OLFM2: variants seen among roughly 807,000 people sequenced by gnomAD.
OLFM2 encodes the protein olfactomedin 2, also known as noelin-2.
In OLFM2, 20 loss-of-function variants were observed where a neutral mutation model predicts 43.9. The observed-to-expected ratio is 0.46, with a 90% CI of 0.32 to 0.66. The LOEUF (loss-of-function observed/expected upper bound fraction) is 0.66. Ranked by LOEUF, OLFM2 falls within the 30% of genes least tolerant of loss-of-function variation. The pLI is 0.04. For synonymous variants in OLFM2, 268 were observed against 278.6 expected (o/e 0.96, Z 0.38); for missense variants, 416 against 643.6 (o/e 0.65, Z 3.83).
intron 1 of OLFM2, among the ~76,000 whole-genome samples, chr19:9,933,137 G>A (rs918867189): frequency 6.6e-6 from 1 of 152,092 alleles, no homozygotes; most frequent in Non-Finnish European, 1.5e-5. Flanking sequence ...ACACCCACAA[G>A]GCTCCCTCTC....
intron 1 of OLFM2, among the ~76,000 whole-genome samples, chr19:9,890,014 C>G (rs1862469): frequency 0.59 from 89,482 of 151,896 alleles, 27,612 homozygotes; most frequent in African/African-American, 0.77. Context: ...AAGGAGGAGC[C>G]GGGAGGAGAG....
At chr19:9,913,505 C>T in intron 1 of OLFM2, 4 of 1,145,266 alleles carry the variant, frequency 3.5e-6, no homozygotes, top group Non-Finnish European at 4.3e-6. Context: ...GGCGCCCGCA[C>T]GGGACACGGT....
chr19:9,854,973 T>C lies in OLFM2; in HGVS notation c.688-110A>G, dbSNP rs1018656556. On this transcript the variant is annotated intron_variant, in intron 5 of 5. Coordinates refer to ENST00000264833, the MANE Select transcript of OLFM2 (RefSeq NM_058164.4). The surrounding 1 kb of genome is among the most constrained non-coding windows in gnomAD (Gnocchi z 9.5). ...ACAGTCACTAAGTGGTCATTAGTCA[T>C]GGGAACTCTGTTGACCATTCATTAC... 2.6e-5 allele frequency: 21 copies of C among 806,138 alleles called. No homozygotes were observed. The highest frequency in any genetic ancestry group is 1.6e-4 in the East Asian group (6 of 37,130). 49.9% of individuals were successfully genotyped at this position (806,138 alleles called of 1,614,324 possible).
intron 1 of OLFM2, among the ~76,000 whole-genome samples, chr19:9,878,445 A>G (rs1302472127): frequency 7.7e-6 from 1 of 130,496 alleles, no homozygotes; most frequent in Admixed American, 9.4e-5. Context: ...GCTGGAGTGC[A>G]ATGGCACAAT....
At chr19:9,859,584 C>T (rs562008425) in intron 2 of OLFM2, among the ~76,000 whole-genome samples, 278 of 152,308 alleles carry the variant, frequency 1.8e-3, no homozygotes, top group African/African-American at 6.4e-3. Context: ...TGAGCTACCA[C>T]GCCCGGCCCA....
intron 1 of OLFM2, among the ~76,000 whole-genome samples, chr19:9,878,375 TTCTC>T (rs1247599382): frequency 1.4e-4 from 16 of 117,154 alleles, no homozygotes; most frequent in Admixed American, 2.2e-4. Context: ...TCAGTTTCAT[TTCTC>T]TCTTTTTTTT....
chr19:9,930,966 C>T (rs1392624559), intron 1 of OLFM2, among the ~76,000 whole-genome samples: 1 of 152,136 alleles, frequency 6.6e-6, no homozygotes, highest in Non-Finnish European at 1.5e-5. Flanking sequence ...CACGCGCCCA[C>T]GCACAGGTGC....
rs186007525 is a variant in OLFM2, at chr19:9,919,645, C to T, written c.63+16659G>A. Among the ~76,000 whole-genome samples, 170 of 151,170 alleles carry T rather than the reference C, an allele frequency of 1.1e-3. 1 individual carries two copies. Among genetic ancestry groups the T allele is most frequent in the Admixed American group, 3.4e-3 (51 of 15,116 alleles). ...TACAGGTGCACGCCACCACACCTGG[C>T]TAGTTTTTGTATTTTTAGTAGAGAT... On this transcript the variant is annotated intron_variant, in intron 1 of 5. Coordinates refer to ENST00000264833, the MANE Select transcript of OLFM2 (RefSeq NM_058164.4).
intron 1 of OLFM2, among the ~76,000 whole-genome samples, chr19:9,887,657 A>G (rs2046599717): frequency 6.6e-6 from 1 of 151,042 alleles, no homozygotes; most frequent in African/African-American, 2.4e-5. Flanking sequence ...TGCTTCCCCC[A>G]CAGCAGCCAG....
intron 1 of OLFM2, among the ~76,000 whole-genome samples, chr19:9,874,803 A>C (rs2046471614): frequency 6.6e-6 from 1 of 152,064 alleles, no homozygotes; most frequent in Non-Finnish European, 1.5e-5. Flanking sequence ...TTTTAGAGAC[A>C]AGGTCTTGCT....
At chr19:9,930,704 T>A (rs965120507) in intron 1 of OLFM2, among the ~76,000 whole-genome samples, 10 of 143,224 alleles carry the variant, frequency 7.0e-5, no homozygotes, top group Non-Finnish European at 1.5e-4. Flanking sequence ...AAAAAAAAAA[T>A]TTAGCCGGCT....
intron 1 of OLFM2, among the ~76,000 whole-genome samples, chr19:9,904,260 G>A (rs569951240): frequency 2.0e-5 from 3 of 150,364 alleles, no homozygotes; most frequent in South Asian, 2.1e-4. Flanking sequence ...GCAGGATCTC[G>A]GCTCTATGCA....
chr19:9,902,408 A>C (rs1599490451), intron 1 of OLFM2, among the ~76,000 whole-genome samples: 2 of 120,720 alleles, frequency 1.7e-5, no homozygotes, highest in African/African-American at 3.3e-5. Flanking sequence ...TTTGAGATGG[A>C]GTCTCACTCA....
At position 9,854,579 on chromosome 19, in the gene OLFM2, G is replaced by C; in HGVS notation, c.972C>G (p.Asp324Glu). 1 of 1,614,056 alleles carries C rather than the reference G, an allele frequency of 6.2e-7. No individual in the cohort carries two copies. The highest frequency in any genetic ancestry group is 2.2e-5 in the East Asian group (1 of 44,880). The change falls in exon 6 of 6, where the codon GAC becomes GAG. Residue 324 changes from aspartate (D) to glutamate (E), a missense_variant. Coordinates refer to ENST00000264833, the MANE Select transcript of OLFM2 (RefSeq NM_058164.4). This position sits in a 1 kb window ranked among gnomAD's most constrained non-coding sequence, Gnocchi z 9.5. ...PYSWGGFSDM[D>E]FMVDESGLWA... ...AGAGCCCGCTCTCGTCCACCATGAA[G>C]TCCATGTCGGAGAAGCCGCCCCAGG...
At chr19:9,866,006 A>G (rs2046400039) in intron 1 of OLFM2, among the ~76,000 whole-genome samples, 1 of 152,178 alleles carries the variant, frequency 6.6e-6, no homozygotes. Context: ...CCGTTGAAGC[A>G]AATAAGCCAT....
chr19:9,867,393 CA>C (rs533568978), intron 1 of OLFM2, among the ~76,000 whole-genome samples: 2 of 150,804 alleles, frequency 1.3e-5, no homozygotes, highest in Non-Finnish European at 3.0e-5. Context: ...ATAACAACAA[CA>C]AAAAAAAACA....
intron 1 of OLFM2, among the ~76,000 whole-genome samples, chr19:9,874,559 C>A (rs988353623): frequency 6.6e-6 from 1 of 152,142 alleles, no homozygotes. Flanking sequence ...CGGCTCACTG[C>A]AACCTCTACC....
intron 1 of OLFM2, 81 bp downstream of exon 1, chr19:9,936,223 A>G: frequency 1.4e-6 from 2 of 1,431,356 alleles, no homozygotes; most frequent in East Asian, 2.7e-5. Context: ...GAGCCTCCCA[A>G]CCCCGTTTCT....
chr19:9,906,947 A>G (rs1267686820), intron 1 of OLFM2, among the ~76,000 whole-genome samples: 1 of 152,014 alleles, frequency 6.6e-6, no homozygotes, highest in Non-Finnish European at 1.5e-5. Context: ...CAGCTGTTCC[A>G]TCTTGGAGCC....
Sources: gnomAD v4.1 joint callset for allele counts (sites outside exome capture counted in the v4.1 genomes callset) on GRCh38, gnomAD v4.1.1 for gene constraint, Gnocchi (gnomAD v3.1) non-coding constraint, MANE v1.5 for transcripts, NCBI Gene and HGNC (gene_info 2026-07-23, HGNC 2026-07-21) for gene names.